LRRCC1: variants seen among roughly 807,000 people sequenced by gnomAD.
LRRCC1 encodes the protein leucine rich repeat and coiled-coil centrosomal protein 1, also known as leucine-rich repeat and coiled-coil domain-containing protein 1.
A neutral mutation model predicts 126.0 loss-of-function variants in LRRCC1; 115 were observed. That is an observed-to-expected ratio of 0.91 (90% confidence interval 0.78 to 1.07). The LOEUF (loss-of-function observed/expected upper bound fraction) is 1.07, where lower values mean the gene tolerates loss of function less well. Ranked by LOEUF, LRRCC1 falls within the 50% of genes least tolerant of loss-of-function variation. LRRCC1 has a pLI of 0.00. For synonymous variants in LRRCC1, 400 were observed against 393.4 expected (o/e 1.02, Z -0.20); for missense variants, 1,172 against 1,175.7 (o/e 1.00, Z 0.05).
intron 12 of LRRCC1, among the ~76,000 whole-genome samples, chr8:85,133,744 T>C (rs532387627): frequency 1.3e-5 from 2 of 152,342 alleles, no homozygotes; most frequent in East Asian, 3.9e-4. Flanking sequence ...GCCACTCTGG[T>C]ATGTCACAGT....
chr8:85,115,780 A>C (rs1347093493), intron 6 of LRRCC1, among the ~76,000 whole-genome samples, 196 bp downstream of exon 6: 2 of 152,052 alleles, frequency 1.3e-5, no homozygotes, highest in East Asian at 3.9e-4. Flanking sequence ...TTTTTCACTC[A>C]CTTTACTTGT....
chr8:85,126,704 C>T lies in LRRCC1; in HGVS notation c.1288C>T (p.Leu430=), dbSNP rs1462753203. 6.2e-7 allele frequency: 1 copy of T among 1,611,774 alleles called. No homozygotes were observed. Among genetic ancestry groups the T allele is most frequent in the Non-Finnish European group, 8.5e-7 (1 of 1,179,618 alleles). The change falls in exon 9 of 19, where the codon CTA becomes TTA. Residue 430 remains leucine, a synonymous_variant. Transcript: ENST00000360375. ...DNTYQSLVEQ[L]DQEREKRWRA... Reference sequence around the variant, plus strand: ...TTTCTTTCAGTCCCTTGTTGAACAGCTAGACCAAGAGAGAGAGAAGAGATG... The same window carrying T: ...TTTCTTTCAGTCCCTTGTTGAACAGTTAGACCAAGAGAGAGAGAAGAGATG...
chr8:85,115,008 A>G (rs997397376), intron 4 of LRRCC1, 92 bp from the exon 5 acceptor site: 24 of 913,138 alleles, frequency 2.6e-5, no homozygotes, highest in Non-Finnish European at 3.8e-5. Flanking sequence ...ATTCCGGGTG[A>G]TGTATCTGGT....
intron 7 of LRRCC1, 98 bp downstream of exon 7, chr8:85,123,704 A>G (rs771887700): frequency 5.6e-6 from 5 of 899,184 alleles, no homozygotes; most frequent in Non-Finnish European, 6.5e-6. Context: ...TACTTTACTA[A>G]TGTTGAAGAT....
rs780404159 is a variant in LRRCC1 at position 85,109,743 on chromosome 8, A to G, written c.253A>G (p.Thr85Ala). ...AATAAGTAGAATTGAAGGACTAAAC[A>G]CACTGACAAAACTGTGCACATTAAA... is the stretch of plus-strand genomic sequence containing the variant. ...NQISRIEGLN[T>A]LTKLCTLNLS... is the part of the protein sequence containing the mutation. The change falls in exon 2 of 19, where the codon ACA becomes GCA. Residue 85 changes from threonine to alanine, a missense_variant. Transcript: ENST00000360375. The G allele has an allele frequency of 1.2e-6, 2 of 1,602,544 alleles. No homozygotes were observed. The highest frequency in any genetic ancestry group is 2.2e-5 in the South Asian group (2 of 89,938).
In LRRCC1 at chr8:85,138,156, T is replaced by G. The variant is rs1311397256; in HGVS notation, c.2615T>G (p.Leu872Trp). Residue 872 changes from leucine to tryptophan, a missense_variant, in exon 16 of 19, where the codon TTG (leucine) becomes TGG (tryptophan). Coordinates refer to ENST00000360375, the MANE Select transcript of LRRCC1 (RefSeq NM_033402.5). ...SSQLDEVLEKLERHNERKEKL... is the reference protein window; with the variant it reads ...SSQLDEVLEKWERHNERKEKL... ...CAACTGGATGAGGTACTTGAGAAGT[T>G]GGAAAGGCACAATGAAAGAAAAGAA... 6.2e-7 allele frequency: 1 copy of G among 1,611,880 alleles called. No homozygotes were observed. The highest frequency in any genetic ancestry group is 1.1e-5 in the South Asian group (1 of 90,604).
At position 85,134,963 on chromosome 8, in the gene LRRCC1, G is replaced by T; in HGVS notation, c.2085G>T (p.Met695Ile). 1 of 1,568,220 alleles carries T rather than the reference G, an allele frequency of 6.4e-7. No homozygotes were observed. The highest frequency in any genetic ancestry group is 8.6e-7 in the Non-Finnish European group (1 of 1,167,216). The change falls in exon 13 of 19, where the codon ATG (methionine) becomes ATT (isoleucine). Residue 695 changes from methionine to isoleucine, a missense_variant. Physicochemically the swap from Met to Ile is conservative, Grantham distance 10. Transcript: ENST00000360375. ...SSSLIKDLTC[M>I]VKEQKTKLAE... is the part of the protein sequence containing the mutation. ...CTTTAATTAAAGATCTGACCTGTAT[G>T]GTAAAGGAACAAAAAACAAAACTGG...
In LRRCC1 at chr8:85,123,406, AT is replaced by A; in HGVS notation, c.931-3del. 3 of 1,567,428 alleles carry A rather than the reference AT, an allele frequency of 1.9e-6. No individual in the cohort carries two copies. Among genetic ancestry groups the A allele is most frequent in the Non-Finnish European group, 2.6e-6 (3 of 1,163,824 alleles). The stretch of plus-strand genomic sequence containing the variant: ...TTAACAAATTTTGTTGGCTTTTTAA[AT>A]TTTAGACTTCTAATTCAATAGATAA... On this transcript the variant is annotated splice_polypyrimidine_tract_variant and splice_region_variant and intron_variant, in intron 6 of 18. Transcript: ENST00000360375.
Position 85,138,627 on chromosome 8 carries a change from T to C in LRRCC1, c.2840+152T>C, listed in dbSNP as rs1811040274. ...TTCCATTTCATCTGTAAAATGAAGA[T>C]AGCAGTAGCACCTACCTTAAATGTT... is the stretch of plus-strand genomic sequence containing the variant. On this transcript the variant is annotated intron_variant, in intron 17 of 18. Transcript: ENST00000360375. 3 of 752,408 alleles carry C rather than the reference T, an allele frequency of 4.0e-6. No individual in the cohort carries two copies. In the East Asian group the frequency reaches 7.7e-5, roughly 19 times the overall value. 46.6% of individuals were successfully genotyped at this position (752,408 alleles called of 1,614,324 possible). A position where few individuals can be genotyped will look rare whatever the true frequency, so the allele number is the denominator to read the frequency against.
At chr8:85,137,676 A>C (rs746788184) in intron 15 of LRRCC1, 49 bp downstream of exon 15, 1 of 1,287,556 alleles carries the variant, frequency 7.8e-7, no homozygotes, top group Admixed American at 2.9e-5. Context: ...CAGGTTTGCA[A>C]ATCTTTGGAT....
chr8:85,107,556 T>TA, intron 1 of LRRCC1, 157 bp downstream of exon 1: 2 of 590,106 alleles, frequency 3.4e-6, no homozygotes, highest in Non-Finnish European at 5.7e-6. Flanking sequence ...CTCCAAAACT[T>TA]ACCTGCCGAA....
At chr8:85,125,059 G>T in intron 8 of LRRCC1, 120 bp downstream of exon 8, 1 of 622,062 alleles carries the variant, frequency 1.6e-6, no homozygotes, top group Non-Finnish European at 2.6e-6. Flanking sequence ...TGATGAAAAT[G>T]GGTTATTTTT....
rs527534590 is a variant in LRRCC1 at position 85,110,112 on chromosome 8, T to A, written c.311-3T>A. 1.4e-4 allele frequency: 166 copies of A among 1,160,836 alleles called. 1 individual carries two copies. In the South Asian group the frequency reaches 2.4e-3, roughly 17 times the overall value. The allele number at this position is 1,160,836 out of a possible 1,614,324, so 71.9% of individuals were successfully genotyped here. A position where few individuals can be genotyped will look rare whatever the true frequency, so the allele number is the denominator to read the frequency against. ...TTTATTTTATTTTACTTTTTTTTTT[T>A]AGGACTTGAAGAACTAATTAATCTG... On this transcript the variant is annotated splice_polypyrimidine_tract_variant and splice_region_variant and intron_variant, in intron 2 of 18. Transcript: ENST00000360375.
chr8:85,138,051 A>G lies in LRRCC1; in HGVS notation c.2510A>G (p.Asp837Gly). The change falls in exon 16 of 19, where the codon GAT (aspartate) becomes GGT (glycine). Residue 837 changes from aspartate (D) to glycine (G), a missense_variant. Transcript: ENST00000360375. Reference sequence around the variant, plus strand: ...TTCTTAAAGTGTTTACAAGAAAAAGATGAACACATCAAAAGATTACAAGAA... The same window carrying G: ...TTCTTAAAGTGTTTACAAGAAAAAGGTGAACACATCAAAAGATTACAAGAA... ...RKLKDCLQEKDEHIKRLQEKI... is the reference protein window; with the variant it reads ...RKLKDCLQEKGEHIKRLQEKI... The G allele has an allele frequency of 1.3e-6, 2 of 1,564,080 alleles. No individual in the cohort carries two copies. The highest frequency in any genetic ancestry group is 1.2e-5 in the South Asian group (1 of 81,568).
chr8:85,142,843 A>AAAAAG (rs1811353092), intron 18 of LRRCC1, among the ~76,000 whole-genome samples: 1 of 86,200 alleles, frequency 1.2e-5, no homozygotes, highest in Non-Finnish European at 2.6e-5. Context: ...AAAAAAAAAA[A>AAAAAG]AAAAGAAAAG....
chr8:85,125,013 C>A, intron 8 of LRRCC1, 74 bp downstream of exon 8: 1 of 1,027,674 alleles, frequency 9.7e-7, no homozygotes. Flanking sequence ...ATTATGCATG[C>A]TTTTATTAGC....
At chr8:85,125,038 T>C in intron 8 of LRRCC1, 99 bp downstream of exon 8, 2 of 815,466 alleles carry the variant, frequency 2.5e-6, no homozygotes, top group Non-Finnish European at 3.8e-6. Flanking sequence ...AGTGTTTGAA[T>C]TTTATTGGAG....
Position 85,123,430 on chromosome 8 carries a change from T to C in LRRCC1, c.948T>C (p.Asp316=), listed in dbSNP as rs768349275. The change falls in exon 7 of 19, where the codon GAT becomes GAC. Residue 316 remains aspartate, a synonymous_variant. Coordinates refer to ENST00000360375, the MANE Select transcript of LRRCC1 (RefSeq NM_033402.5). ...QLLNETSNSI[D]NVLEKDPRPK... ...AATTTTAGACTTCTAATTCAATAGA[T>C]AACGTTCTTGAGAAAGACCCCAGAC... 56 of 1,596,392 alleles carry C rather than the reference T, an allele frequency of 3.5e-5. No individual in the cohort carries two copies. The highest frequency in any genetic ancestry group is 4.3e-5 in the Non-Finnish European group (51 of 1,175,198).
At position 85,135,051 on chromosome 8, in the gene LRRCC1, A is replaced by G. The variant is rs750169710; in HGVS notation, c.2154+19A>G. 9 of 1,438,230 alleles carry G rather than the reference A, an allele frequency of 6.3e-6. No individual in the cohort carries two copies. The Admixed American group carries it at 1.9e-4, about 31-fold the overall frequency. The allele number at this position is 1,438,230 out of a possible 1,614,324, so 89.1% of individuals were successfully genotyped here. A position where few individuals can be genotyped will look rare whatever the true frequency, so the allele number is the denominator to read the frequency against. On this transcript the variant is annotated intron_variant, in intron 13 of 18. Coordinates refer to ENST00000360375, the MANE Select transcript of LRRCC1 (RefSeq NM_033402.5). ...TTTACAGGTAAGACTTTGCAACATTATATGTTTTAAAATTTTTTTACATTA... is the reference window on the plus strand; with the variant it reads ...TTTACAGGTAAGACTTTGCAACATTGTATGTTTTAAAATTTTTTTACATTA...
Sources: allele counts gnomAD v4.1 joint callset (sites outside exome capture counted in the v4.1 genomes callset), GRCh38; gene constraint gnomAD v4.1.1; transcripts MANE v1.5; gene names NCBI Gene and HGNC (gene_info 2026-07-23, HGNC 2026-07-21).